The following CHD7 variants were observed in gnomAD, a reference collection of about 807,000 sequenced individuals.
CHD7 encodes the protein ATP-dependent chromatin remodeler CHD7.
In CHD7, 24 loss-of-function variants were observed where a neutral mutation model predicts 307.3. The ratio of observed to expected loss-of-function variants is 0.08; its 90% CI spans 0.06 to 0.11. CHD7 has a LOEUF of 0.11. CHD7 is among the 10% of genes least tolerant of loss of function. CHD7 has a pLI of 1.00. For synonymous variants in CHD7, 1,363 were observed against 1,349.9 expected (o/e 1.01, Z -0.21); for missense variants, 3,106 against 3,727.1 (o/e 0.83, Z 4.34).
chr8:60,681,164 T>G (rs552175101), intron 1 of CHD7, among the ~76,000 whole-genome samples: 1 of 152,362 alleles, frequency 6.6e-6, no homozygotes, highest in South Asian at 2.1e-4. Flanking sequence ...TTAGTGACTG[T>G]GACCTTAGCA....
chr8:60,748,845 A>T (rs1809463265), intron 2 of CHD7, among the ~76,000 whole-genome samples: 1 of 152,170 alleles, frequency 6.6e-6, no homozygotes, highest in Non-Finnish European at 1.5e-5. Context: ...CTGAAATAAC[A>T]GTCATCATGA....
Position 60,849,046 on chromosome 8 carries a change from T to G in CHD7, c.5301-5T>G, listed in dbSNP as rs1365936367. ...CTAATATTTCTTATAAATGTTGTCT[T>G]TCAGTGAAGCCGATGTGTGGATCCC... On this transcript the variant is annotated splice_polypyrimidine_tract_variant and splice_region_variant and intron_variant, in intron 24 of 37. Coordinates refer to ENST00000423902, the MANE Select transcript of CHD7 (RefSeq NM_017780.4). 6.2e-7 allele frequency: 1 copy of G among 1,608,902 alleles called. No homozygotes were observed. The highest frequency in any genetic ancestry group is 8.5e-7 in the Non-Finnish European group (1 of 1,175,516).
At chr8:60,779,234 C>G (rs1011481939) in intron 2 of CHD7, among the ~76,000 whole-genome samples, 6 of 152,202 alleles carry the variant, frequency 3.9e-5, no homozygotes, top group Admixed American at 1.3e-4. Flanking sequence ...TGATTTTTTC[C>G]CAGATGATAT....
intron 1 of CHD7, among the ~76,000 whole-genome samples, chr8:60,714,148 C>T (rs1469999348): frequency 2.0e-5 from 3 of 151,850 alleles, no homozygotes; most frequent in Admixed American, 6.6e-5. Context: ...CCGGAGCCCG[C>T]GCGAGGACAT....
chr8:60,736,478 T>A (rs1340690675), intron 1 of CHD7, among the ~76,000 whole-genome samples: 1 of 152,182 alleles, frequency 6.6e-6, no homozygotes, highest in Non-Finnish European at 1.5e-5. Flanking sequence ...TCTCCATGGG[T>A]TATGATGAGG....
At chr8:60,689,453 G>T (rs1457614190) in intron 1 of CHD7, among the ~76,000 whole-genome samples, 1 of 152,194 alleles carries the variant, frequency 6.6e-6, no homozygotes, top group Non-Finnish European at 1.5e-5. Flanking sequence ...AGGTGAAGAG[G>T]TTGTTTAATA....
At chr8:60,688,873 C>A (rs1806052981) in intron 1 of CHD7, among the ~76,000 whole-genome samples, 1 of 152,146 alleles carries the variant, frequency 6.6e-6, no homozygotes, top group Non-Finnish European at 1.5e-5. Flanking sequence ...TATAGGAGCT[C>A]CAGATCCTCA....
chr8:60,824,106 C>T, intron 13 of CHD7, 90 bp downstream of exon 13: 1 of 1,121,678 alleles, frequency 8.9e-7, no homozygotes, highest in South Asian at 1.5e-5. Flanking sequence ...TGCCTGTAAA[C>T]AGTATTTGAA....
chr8:60,742,922 C>G lies in CHD7; in HGVS notation c.1490C>G (p.Pro497Arg). Residue 497 changes from proline (P) to arginine (R), a missense_variant, in exon 2 of 38, where the codon CCT becomes CGT. By Grantham distance (103) the Pro-to-Arg change is moderately radical. Coordinates refer to ENST00000423902, the MANE Select transcript of CHD7 (RefSeq NM_017780.4). ...CAAGCAATCCAGGAACGACTGATAC[C>G]TGGCCAACAACATCCTGGTCAACAG... ...DPQAIQERLIPGQQHPGQQPS... is the reference protein window; with the variant it reads ...DPQAIQERLIRGQQHPGQQPS... 2 of 1,613,050 alleles carry G rather than the reference C, an allele frequency of 1.2e-6. No individual in the cohort carries two copies. Among genetic ancestry groups the G allele is most frequent in the Non-Finnish European group, 1.7e-6 (2 of 1,179,458 alleles).
intron 1 of CHD7, among the ~76,000 whole-genome samples, chr8:60,685,768 G>A (rs1485039337): frequency 6.6e-6 from 1 of 152,192 alleles, no homozygotes; most frequent in Admixed American, 6.5e-5. Context: ...TGTAAAGCAT[G>A]GTTGCCGGTG....
rs987055483 is a variant in CHD7 at position 60,819,907 on chromosome 8, T to C, written c.2614-100T>C. 5 of 818,094 alleles carry C rather than the reference T, an allele frequency of 6.1e-6. No individual in the cohort carries two copies. In the African/African-American group the frequency reaches 8.5e-5, roughly 14 times the overall value. 50.7% of individuals were successfully genotyped at this position (818,094 alleles called of 1,614,324 possible). ...GAATTTGCCAAATGTAAGTTTTATA[T>C]TGCTGTGACCCAAAATATTATTGCT... is the stretch of plus-strand genomic sequence containing the variant. On this transcript the variant is annotated intron_variant, in intron 8 of 37. Coordinates refer to ENST00000423902, the MANE Select transcript of CHD7 (RefSeq NM_017780.4).
intron 2 of CHD7, among the ~76,000 whole-genome samples, chr8:60,747,473 A>G (rs1449514587): frequency 6.6e-6 from 1 of 152,256 alleles, no homozygotes; most frequent in Admixed American, 6.5e-5. Context: ...TAAATGAAAG[A>G]TAACTTTTTA....
rs1805934435 is a variant in CHD7 at position 60,860,815 on chromosome 8, C to CCATT, written c.7609-87_7609-84dup. 3.3e-6 allele frequency: 3 copies of CCATT among 910,366 alleles called. No individual in the cohort carries two copies. The East Asian group carries it at 7.3e-5, about 22-fold the overall frequency. 56.4% of individuals were successfully genotyped at this position (910,366 alleles called of 1,614,324 possible). ...CTATTTTCTCTTTTTGATAAAAGAT[C>CCATT]CATTCTAGGATAGCGTTTTCTTGAA... is the stretch of plus-strand genomic sequence containing the variant. On this transcript the variant is annotated intron_variant, in intron 34 of 37. Coordinates refer to ENST00000423902, the MANE Select transcript of CHD7 (RefSeq NM_017780.4).
intron 24 of CHD7, among the ~76,000 whole-genome samples, chr8:60,848,839 G>C (rs1166173315): frequency 6.6e-6 from 1 of 152,138 alleles, no homozygotes; most frequent in Non-Finnish European, 1.5e-5. Flanking sequence ...GGTGTTCTGA[G>C]ATGACCCTTA....
At chr8:60,755,320 A>T (rs917656794) in intron 2 of CHD7, among the ~76,000 whole-genome samples, 21 of 152,300 alleles carry the variant, frequency 1.4e-4, no homozygotes, top group African/African-American at 5.1e-4. Context: ...ATCCATAAAA[A>T]ACATTTATGG....
Position 60,727,166 on chromosome 8 carries a change from G to A in CHD7, c.-174-14093G>A, listed in dbSNP as rs368982035. Among the ~76,000 whole-genome samples, 14 of 151,924 alleles carry A rather than the reference G, an allele frequency of 9.2e-5. No homozygotes were observed. The South Asian group carries it at 2.9e-3, about 32-fold the overall frequency. ...TTTTGAGACAGGGTCTTTCTCTGTT[G>A]CCCAGGCTGTGGTGCAGTGGTATGA... On this transcript the variant is annotated intron_variant, in intron 1 of 37. Transcript: ENST00000423902.
At chr8:60,725,257 G>A (rs189300007) in intron 1 of CHD7, among the ~76,000 whole-genome samples, 11 of 152,242 alleles carry the variant, frequency 7.2e-5, no homozygotes, top group Admixed American at 6.5e-4. Flanking sequence ...AGGAATGTTC[G>A]GTTATCTCTC....
intron 1 of CHD7, among the ~76,000 whole-genome samples, chr8:60,720,103 C>T (rs1208729771): frequency 6.6e-6 from 1 of 152,160 alleles, no homozygotes; most frequent in African/African-American, 2.4e-5. Context: ...TACTGTGGCT[C>T]ATCTTTTCAT....
chr8:60,690,111 A>G (rs1222426757), intron 1 of CHD7, among the ~76,000 whole-genome samples: 1 of 152,160 alleles, frequency 6.6e-6, no homozygotes, highest in Non-Finnish European at 1.5e-5. Flanking sequence ...ACTCAGTCAT[A>G]TTCTCAAATA....
Sources: allele counts gnomAD v4.1 joint callset (sites outside exome capture counted in the v4.1 genomes callset), GRCh38; gene constraint gnomAD v4.1.1; transcripts MANE v1.5; gene names NCBI Gene and HGNC (gene_info 2026-07-23, HGNC 2026-07-21).